Variants in RCC1 observed in about 807,000 individuals in gnomAD.
RCC1 encodes the protein regulator of chromosome condensation 1.
Under a neutral mutation model 44.4 loss-of-function variants are expected in RCC1, and 11 were observed. That is an observed-to-expected ratio of 0.25 (90% CI 0.16 to 0.41). RCC1 has a LOEUF of 0.41. RCC1 is among the 10% of genes least tolerant of loss of function. RCC1 has a pLI of 1.00. For synonymous variants in RCC1, 213 were observed against 216.5 expected (o/e 0.98, Z 0.14); for missense variants, 386 against 547.1 (o/e 0.71, Z 2.94).
At chr1:28,534,866 C>G (rs148579512) in intron 7 of RCC1, among the ~76,000 whole-genome samples, 184 bp from the exon 8 acceptor site, 382 of 152,358 alleles carry the variant, frequency 2.5e-3, no homozygotes, top group African/African-American at 8.7e-3. Context: ...TGCATCCGCT[C>G]TCTGACTCCT....
At chr1:28,514,403 T>C in intron 3 of RCC1, among the ~76,000 whole-genome samples, 1 of 148,398 alleles carries the variant, frequency 6.7e-6, no homozygotes, top group East Asian at 2.0e-4. Context: ...TGAGCCAAGA[T>C]CGCGCCACTG....
chr1:28,518,392 G>A (rs1485635251), intron 4 of RCC1: 2 of 151,886 alleles, frequency 1.3e-5, no homozygotes, highest in African/African-American at 2.4e-5. Context: ...GCCGGTCCAC[G>A]CGGGCCTAAG....
In RCC1 at chr1:28,508,085, T is replaced by G. The variant is rs147082378; in HGVS notation, c.-261-43T>G. On this transcript the variant is annotated intron_variant, in intron 1 of 12. Coordinates refer to ENST00000683442, the MANE Select transcript of RCC1 (RefSeq NM_001381865.2). ...GCATGAGGCCCCTCGTTGAAAAAGT[T>G]TAGGGTTTTGCTGTACTAATAGATT... 3,539 of 425,644 alleles carry G rather than the reference T, an allele frequency of 8.3e-3. 61 individuals carry two copies. The highest frequency in any genetic ancestry group is 0.011 in the Admixed American group (440 of 39,450). 26.4% of individuals were successfully genotyped at this position (425,644 alleles called of 1,614,324 possible).
At chr1:28,527,052 A>T (rs1663711921) in intron 4 of RCC1, 13 of 829,092 alleles carry the variant, frequency 1.6e-5, no homozygotes, top group Admixed American at 1.0e-4. Flanking sequence ...GGTGCATGGT[A>T]TGAGGAACTG....
intron 4 of RCC1, among the ~76,000 whole-genome samples, chr1:28,521,541 C>A (rs1663285914): frequency 6.6e-6 from 1 of 152,146 alleles, no homozygotes; most frequent in African/African-American, 2.4e-5. Flanking sequence ...GCCCTCCATC[C>A]CCTGCCCTTC....
chr1:28,523,027 CTTT>C (rs775851239), intron 4 of RCC1, among the ~76,000 whole-genome samples: 4 of 91,034 alleles, frequency 4.4e-5, no homozygotes, highest in Admixed American at 1.3e-4. Context: ...GAAGAAATTT[CTTT>C]TTTTTTTTTT....
At chr1:28,508,555 C>T (rs1178887759) in intron 2 of RCC1, 3 of 517,704 alleles carry the variant, frequency 5.8e-6, no homozygotes, top group East Asian at 1.1e-4. Context: ...CACTAATGAG[C>T]ATTCCAACGT....
Position 28,506,044 on chromosome 1 carries a change from C to T in RCC1, c.-302C>T, listed in dbSNP as rs187220836. 3.0e-4 allele frequency: 135 copies of T among 454,780 alleles called. No individual in the cohort carries two copies. The highest frequency in any genetic ancestry group is 9.6e-4 in the African/African-American group (47 of 49,110). 28.2% of individuals were successfully genotyped at this position (454,780 alleles called of 1,614,324 possible). A position where few individuals can be genotyped will look rare whatever the true frequency, so the allele number is the denominator to read the frequency against. On this transcript the variant is annotated 5_prime_UTR_variant, in exon 1 of 13. Coordinates refer to ENST00000683442, the MANE Select transcript of RCC1 (RefSeq NM_001381865.2). ...AAGGATGCTTCGCGTTTTCTCTCTC[C>T]TTTTTGGAGACAGATTCGCAGTGGT...
At chr1:28,530,661 C>G in intron 5 of RCC1, 9 of 1,492,114 alleles carry the variant, frequency 6.0e-6, no homozygotes, top group Non-Finnish European at 8.2e-6. Flanking sequence ...GCGCGGGCTC[C>G]TCAGCGGTGG....
At chr1:28,513,541 G>A (rs376111305) in intron 3 of RCC1, among the ~76,000 whole-genome samples, 2 of 151,696 alleles carry the variant, frequency 1.3e-5, no homozygotes, top group Admixed American at 6.6e-5. Flanking sequence ...GGGTTTTTCA[G>A]TATGACAGTC....
chr1:28,522,076 G>T (rs10915206), intron 4 of RCC1, among the ~76,000 whole-genome samples: 40,482 of 152,136 alleles, frequency 0.27, 5,511 homozygotes, highest in Middle Eastern at 0.35. Context: ...GGTGCCCCCA[G>T]GGGCTCATAT....
At chr1:28,534,046 T>A (rs967706950) in intron 7 of RCC1, among the ~76,000 whole-genome samples, 4 of 150,486 alleles carry the variant, frequency 2.7e-5, no homozygotes, top group African/African-American at 9.8e-5. Flanking sequence ...CCTGGTTAAT[T>A]TTTGTATTTT....
chr1:28,528,726 C>T (rs895390423), intron 4 of RCC1, among the ~76,000 whole-genome samples: 2 of 149,998 alleles, frequency 1.3e-5, no homozygotes, highest in Non-Finnish European at 2.9e-5. Context: ...TACCATTTTC[C>T]GAGGTTACCA....
At chr1:28,507,946 A>G (rs1662150577) in intron 1 of RCC1, 182 bp from the exon 2 acceptor site, 1 of 299,846 alleles carries the variant, frequency 3.3e-6, no homozygotes, top group Admixed American at 4.8e-5. Context: ...AATTGGCTAA[A>G]AAGTAGCCAG....
intron 3 of RCC1, chr1:28,509,372 GCTGCGA>G (rs1662321117): frequency 5.9e-6 from 1 of 168,734 alleles, no homozygotes; most frequent in Admixed American, 5.7e-5. Context: ...CTCCCAAGTA[GCTGCGA>G]CTACAGGCGT....
intron 3 of RCC1, chr1:28,509,829 CGTAAGTCTGGGTTG>C (rs1199926371): frequency 6.6e-6 from 1 of 152,040 alleles, no homozygotes; most frequent in Non-Finnish European, 1.5e-5. Flanking sequence ...CCAATAGGAC[CGTAAGTCTGGGTTG>C]AGTGCAAGAT....
chr1:28,537,018 T>C (rs2124672026), intron 12 of RCC1, 119 bp downstream of exon 12: 1 of 1,081,344 alleles, frequency 9.2e-7, no homozygotes, highest in Non-Finnish European at 1.4e-6. Flanking sequence ...GAGCAGTGTT[T>C]GTGATGGCAC....
intron 4 of RCC1, among the ~76,000 whole-genome samples, chr1:28,521,669 T>G (rs1663295330): frequency 6.6e-6 from 1 of 152,194 alleles, no homozygotes; most frequent in African/African-American, 2.4e-5. Flanking sequence ...GTCGCCACTG[T>G]CCTTCCCCAC....
At chr1:28,506,473 C>A (rs1014424811) in intron 1 of RCC1, 1 of 317,862 alleles carries the variant, frequency 3.1e-6, no homozygotes, top group African/African-American at 2.2e-5. Context: ...GCGTGAGCCA[C>A]CGCGCCTGGC....
Sources: gnomAD v4.1 joint callset for allele counts (sites outside exome capture counted in the v4.1 genomes callset) on GRCh38, gnomAD v4.1.1 for gene constraint, MANE v1.5 for transcripts, NCBI Gene and HGNC (gene_info 2026-07-23, HGNC 2026-07-21) for gene names.